Variants in COL4A3 observed in about 807,000 individuals in gnomAD.
The protein encoded by COL4A3 is collagen type IV alpha 3 chain.
In COL4A3, 135 loss-of-function variants were observed where a neutral mutation model predicts 217.4. That is an observed-to-expected ratio of 0.62 (90% CI 0.54 to 0.72). COL4A3 has a LOEUF of 0.72. Among genes scored for constraint, COL4A3 ranks in the 30% least tolerant of loss-of-function variants. The pLI is 0.00. For synonymous variants in COL4A3, 690 were observed against 736.3 expected (o/e 0.94, Z 1.02); for missense variants, 1,868 against 2,119.9 (o/e 0.88, Z 2.33).
chr2:227,280,413 A>T (rs779776880), intron 29 of COL4A3, 27 bp from the exon 30 acceptor site: 1 of 1,613,260 alleles, frequency 6.2e-7, no homozygotes, highest in Admixed American at 1.7e-5. Flanking sequence ...AGCACTATAT[A>T]GTAATAACAC....
chr2:227,222,200 G>C (rs2067846111), intron 1 of COL4A3, among the ~76,000 whole-genome samples: 1 of 150,426 alleles, frequency 6.6e-6, no homozygotes, highest in South Asian at 2.1e-4. Context: ...AAGCACCCTT[G>C]ACATACAATA....
At chr2:227,289,000 G>A in intron 34 of COL4A3, 150 bp from the exon 35 acceptor site, 1 of 629,128 alleles carries the variant, frequency 1.6e-6, no homozygotes, top group Non-Finnish European at 3.0e-6. Flanking sequence ...GCCCACGCTG[G>A]AGTGCAGTGG....
In COL4A3 at chr2:227,307,709, G is replaced by A. The variant is rs1268304692; in HGVS notation, c.4253-1G>A. 7.4e-6 allele frequency: 12 copies of A among 1,613,638 alleles called. No homozygotes were observed. Among genetic ancestry groups the A allele is most frequent in the Non-Finnish European group, 1.0e-5 (12 of 1,179,718 alleles). On this transcript the variant is annotated splice_acceptor_variant, in intron 47 of 51. Transcript: ENST00000396578. LOFTEE classifies it high-confidence loss of function. The stretch of plus-strand genomic sequence containing the variant: ...CAACATTTAGAATGTGTTTTTTGAA[G>A]GACCAGCTGGATCAGATGGATTGCC...
chr2:227,298,122 C>T lies in COL4A3; in HGVS notation c.3751+263C>T, dbSNP rs7606813. ...CAGCACTTTGGTAGGCCAAGGCAGACGGATCACTTGAGGTCAGGAGTTCAA... is the reference window on the plus strand; with the variant it reads ...CAGCACTTTGGTAGGCCAAGGCAGATGGATCACTTGAGGTCAGGAGTTCAA... On this transcript the variant is annotated intron_variant, in intron 42 of 51. Transcript: ENST00000396578. 0.75 allele frequency among the ~76,000 whole-genome samples: 113,931 copies of T among 152,024 alleles called. 44,437 individuals are homozygous for T. The highest frequency in any genetic ancestry group is 0.87 in the Non-Finnish European group (59,219 of 67,998).
chr2:227,247,673 C>T, intron 8 of COL4A3, 89 bp downstream of exon 8: 2 of 1,277,352 alleles, frequency 1.6e-6, no homozygotes, highest in South Asian at 2.4e-5. Context: ...TAAGTCATTA[C>T]AAATAAGATT....
chr2:227,171,308 A>G (rs890844163), intron 1 of COL4A3, among the ~76,000 whole-genome samples: 1 of 152,168 alleles, frequency 6.6e-6, no homozygotes, highest in African/African-American at 2.4e-5. Context: ...TCTGAACTTT[A>G]TGTATGTAGA....
At chr2:227,249,220 A>ATT (rs1559864975) in intron 9 of COL4A3, among the ~76,000 whole-genome samples, 2 of 24,802 alleles carry the variant, frequency 8.1e-5, no homozygotes, top group Admixed American at 6.7e-4. Flanking sequence ...TAGTATATAT[A>ATT]TATATATATA....
Position 227,178,937 on chromosome 2 carries a change from T to A in COL4A3, c.87+14124T>A, listed in dbSNP as rs2065781759. Among the ~76,000 whole-genome samples, 9 of 152,042 alleles carry A rather than the reference T, an allele frequency of 5.9e-5. No individual in the cohort carries two copies. In the South Asian group the frequency reaches 1.9e-3, roughly 32 times the overall value. ...AAGGATATTTGGTAGAGCCTTTTCC[T>A]TTAAAAAAATAAATCATCATTATTA... On this transcript the variant is annotated intron_variant, in intron 1 of 51. Coordinates refer to ENST00000396578, the MANE Select transcript of COL4A3 (RefSeq NM_000091.5).
chr2:227,197,534 A>C (rs116153356), intron 1 of COL4A3, among the ~76,000 whole-genome samples: 2 of 149,350 alleles, frequency 1.3e-5, no homozygotes, highest in Non-Finnish European at 2.9e-5. Flanking sequence ...CTGTATACTT[A>C]AAAAAAAATC....
At chr2:227,185,932 C>T (rs911784157) in intron 1 of COL4A3, among the ~76,000 whole-genome samples, 3 of 152,186 alleles carry the variant, frequency 2.0e-5, no homozygotes, top group African/African-American at 7.2e-5. Flanking sequence ...GAAGAGGGAA[C>T]GCCTGCCTCT....
intron 7 of COL4A3, among the ~76,000 whole-genome samples, 162 bp from the exon 8 acceptor site, chr2:227,247,396 T>C (rs2069412661): frequency 6.6e-6 from 1 of 151,850 alleles, no homozygotes; most frequent in Non-Finnish European, 1.5e-5. Flanking sequence ...GACAGGACAA[T>C]ATGGTGGGAA....
intron 1 of COL4A3, among the ~76,000 whole-genome samples, chr2:227,216,451 T>G (rs1170675634): frequency 2.0e-5 from 3 of 152,192 alleles, no homozygotes; most frequent in Non-Finnish European, 2.9e-5. Context: ...TATTCTGAAT[T>G]TATAAGTAAT....
At chr2:227,267,352 C>T (rs978092049) in intron 23 of COL4A3, among the ~76,000 whole-genome samples, 6 of 152,184 alleles carry the variant, frequency 3.9e-5, no homozygotes, top group African/African-American at 1.2e-4. Flanking sequence ...TACAAGAGAA[C>T]AGCAGTTAAC....
At chr2:227,178,828 C>T (rs903474136) in intron 1 of COL4A3, among the ~76,000 whole-genome samples, 8 of 150,570 alleles carry the variant, frequency 5.3e-5, no homozygotes, top group African/African-American at 2.0e-4. Context: ...GGGTGTCATT[C>T]TTGATTTATA....
At chr2:227,299,167 G>A (rs571593329) in intron 43 of COL4A3, among the ~76,000 whole-genome samples, 4 of 152,260 alleles carry the variant, frequency 2.6e-5, no homozygotes, top group East Asian at 1.9e-4. Flanking sequence ...AGGCCGAGGC[G>A]GGCGGATCAC....
At chr2:227,207,261 C>T (rs888040838) in intron 1 of COL4A3, among the ~76,000 whole-genome samples, 1 of 152,128 alleles carries the variant, frequency 6.6e-6, no homozygotes, top group Non-Finnish European at 1.5e-5. Flanking sequence ...AAGTTAGTAA[C>T]CCCACAGAAA....
chr2:227,245,192 C>A (rs1227312195), intron 5 of COL4A3, among the ~76,000 whole-genome samples, 197 bp downstream of exon 5: 1 of 151,832 alleles, frequency 6.6e-6, no homozygotes, highest in Admixed American at 6.6e-5. Context: ...GAAATACAAG[C>A]AGGACAGGAT....
At position 227,282,275 on chromosome 2, in the gene COL4A3, A is replaced by T. The variant is rs113771617; in HGVS notation, c.2489-90A>T. Reference sequence around the variant, plus strand: ...AGACAGAGGGAGATTCCATCTTAAAAATATATATATATATATATATATATA... The same window carrying T: ...AGACAGAGGGAGATTCCATCTTAAATATATATATATATATATATATATATA... On this transcript the variant is annotated intron_variant, in intron 31 of 51. Transcript: ENST00000396578. This position sits in a 1 kb window ranked among gnomAD's most constrained non-coding sequence, Gnocchi z 4.4. The T allele has an allele frequency of 6.5e-4, 231 of 354,356 alleles. No homozygotes were observed. Among genetic ancestry groups the T allele is most frequent in the African/African-American group, 1.8e-3 (71 of 39,972 alleles). The allele number at this position is 354,356 out of a possible 1,614,324, so 22.0% of individuals were successfully genotyped here.
At chr2:227,264,000 C>A in intron 21 of COL4A3, 56 bp downstream of exon 21, 1 of 1,601,742 alleles carries the variant, frequency 6.2e-7, no homozygotes, top group Non-Finnish European at 8.6e-7. Flanking sequence ...CAGATGTGTG[C>A]AAACCACGGG....
Sources: gnomAD v4.1 joint callset for allele counts (sites outside exome capture counted in the v4.1 genomes callset) on GRCh38, gnomAD v4.1.1 for gene constraint, Gnocchi (gnomAD v3.1) non-coding constraint, MANE v1.5 for transcripts, NCBI Gene and HGNC (gene_info 2026-07-23, HGNC 2026-07-21) for gene names.